The following MYNN variants were observed in gnomAD, a reference collection of about 807,000 sequenced individuals.
The protein encoded by MYNN is myoneurin, also known as zinc finger and BTB domain-containing protein 31.
In MYNN, 22 loss-of-function variants were observed where a neutral mutation model predicts 57.2. That is an observed-to-expected ratio of 0.38 (90% CI 0.27 to 0.55). The LOEUF is 0.55. Ranked by LOEUF, MYNN falls within the 20% of genes least tolerant of loss-of-function variation. MYNN has a pLI of 0.71. For missense variants in MYNN, 566 were observed against 723.1 expected, an observed-to-expected ratio of 0.78 and a Z score of 2.49; for synonymous variants, 241 against 257.1, an observed-to-expected ratio of 0.94 and a Z score of 0.60.
At chr3:169,774,648 C>G in intron 2 of MYNN, 87 bp downstream of exon 2, 1 of 1,267,296 alleles carries the variant, frequency 7.9e-7, no homozygotes, top group East Asian at 2.3e-5. Context: ...CATTCATTCT[C>G]TGAACTCAAA....
rs1158568893 is a variant in MYNN, at chr3:169,786,527, C to T, written c.1682C>T (p.Thr561Ile). The T allele has an allele frequency of 6.2e-7, 1 of 1,613,584 alleles. No homozygotes were observed. The highest frequency in any genetic ancestry group is 1.7e-5 in the Admixed American group (1 of 59,976). The change falls in exon 8 of 8, where the codon ACT (threonine) becomes ATT (isoleucine). Residue 561 changes from threonine (T) to isoleucine (I), a missense_variant. Physicochemically the swap from Thr to Ile is moderately conservative, Grantham distance 89. This residue lies in a region of MYNN where 156 missense variants were observed against 163.9 expected (regional missense o/e 0.95). Coordinates refer to ENST00000349841, the MANE Select transcript of MYNN (RefSeq NM_018657.5). ...ATGGATGTGAAGCCTTCTGATATGA[C>T]TTTACCATTAGCTCTTCCACTTGGG... ...ETMDVKPSDM[T>I]LPLALPLGTE...
intron 2 of MYNN, chr3:169,778,420 G>A: frequency 5.7e-6 from 1 of 175,576 alleles, no homozygotes; most frequent in South Asian, 1.5e-4. Context: ...GTTGCTATCT[G>A]AAGAAGCCTC....
At chr3:169,777,782 T>C (rs1192740794) in intron 2 of MYNN, 1 of 152,242 alleles carries the variant, frequency 6.6e-6, no homozygotes. Context: ...GCTTAAGTCT[T>C]TCTTTGTAAC....
chr3:169,787,749 C>G lies in MYNN; in HGVS notation c.*1071C>G. On this transcript the variant is annotated 3_prime_UTR_variant, in exon 8 of 8. Coordinates refer to ENST00000349841, the MANE Select transcript of MYNN (RefSeq NM_018657.5). ...GGTTTGTTAATTTTATAAATTAAAC[C>G]ACAACTTTTGGTGGTGGTTGTAGTT... The G allele has an allele frequency of 6.6e-6, 1 of 151,786 alleles. No homozygotes were observed. Among genetic ancestry groups the G allele is most frequent in the Non-Finnish European group, 1.5e-5 (1 of 67,878 alleles). The allele number at this position is 151,786 out of a possible 1,614,324, so 9.4% of individuals were successfully genotyped here. A position where few individuals can be genotyped will look rare whatever the true frequency, so the allele number is the denominator to read the frequency against.
At position 169,787,495 on chromosome 3, in the gene MYNN, TA is replaced by T. The variant is rs1177021148; in HGVS notation, c.*819del. 1 of 152,100 alleles carries T rather than the reference TA, an allele frequency of 6.6e-6. No homozygotes were observed. Among genetic ancestry groups the T allele is most frequent in the Non-Finnish European group, 1.5e-5 (1 of 67,960 alleles). The allele number at this position is 152,100 out of a possible 1,614,324, so 9.4% of individuals were successfully genotyped here. On this transcript the variant is annotated 3_prime_UTR_variant, in exon 8 of 8. Transcript: ENST00000349841. ...GTACTTGAGTTTTGAAATATTTTGG[TA>T]AGCCTCTCTTACTCCTGTTATGCAC...
intron 7 of MYNN, among the ~76,000 whole-genome samples, chr3:169,785,644 C>T (rs2141595): frequency 0.36 from 54,865 of 151,752 alleles, 11,100 homozygotes; most frequent in East Asian, 0.68. Context: ...GCAGAGAACA[C>T]TGTAGAGAGT....
intron 4 of MYNN, among the ~76,000 whole-genome samples, chr3:169,781,483 A>G (rs544351432): frequency 6.6e-6 from 1 of 152,360 alleles, no homozygotes; most frequent in Admixed American, 6.5e-5. Flanking sequence ...GACAGTATTT[A>G]AAGCTGTAAC....
rs1778736086 is a variant in MYNN at position 169,788,519 on chromosome 3, T to C, written c.*1841T>C. On this transcript the variant is annotated 3_prime_UTR_variant, in exon 8 of 8. Transcript: ENST00000349841. ...GCTAAAATGGAGAGGTTATGTTTAA[T>C]TTATTTATATCTTCGTTAATCCAAG... The C allele has an allele frequency of 6.6e-6, 1 of 152,182 alleles. No homozygotes were observed. Among genetic ancestry groups the C allele is most frequent in the South Asian group, 2.1e-4 (1 of 4,838 alleles). The allele number at this position is 152,182 out of a possible 1,614,324, so 9.4% of individuals were successfully genotyped here. A position where few individuals can be genotyped will look rare whatever the true frequency, so the allele number is the denominator to read the frequency against.
chr3:169,774,460 C>G lies in MYNN; in HGVS notation c.165C>G (p.Ser55Arg), dbSNP rs769071875. 2.5e-6 allele frequency: 4 copies of G among 1,613,928 alleles called. No individual in the cohort carries two copies. The African/African-American group carries it at 5.3e-5, about 22-fold the overall frequency. The stretch of plus-strand genomic sequence containing the variant: ...AGTATTTTGGTGCGATCTACAGAAG[C>G]ACTTCTGAGAACAATGTCTTTCTTG... ...FSEYFGAIYR[S>R]TSENNVFLDQ... The change falls in exon 2 of 8, where the codon AGC (serine) becomes AGG (arginine). Residue 55 changes from serine (S) to arginine (R), a missense_variant. Physicochemically the swap from Ser to Arg is moderately radical, Grantham distance 110 (BLOSUM62 -1). This residue lies in a region of MYNN where 261 missense variants were observed against 280.8 expected (regional missense o/e 0.93). Coordinates refer to ENST00000349841, the MANE Select transcript of MYNN (RefSeq NM_018657.5).
chr3:169,785,371 A>G (rs1778647503), intron 7 of MYNN, among the ~76,000 whole-genome samples: 1 of 151,990 alleles, frequency 6.6e-6, no homozygotes, highest in Non-Finnish European at 1.5e-5. Context: ...AAATTTCTGT[A>G]AAGTGTACTT....
Position 169,786,621 on chromosome 3 carries a change from G to C in MYNN, c.1776G>C (p.Arg592Ser). The C allele has an allele frequency of 6.2e-7, 1 of 1,613,472 alleles. No homozygotes were observed. ...TQSPTSDTLL[R>S]STVNGYSEPQ... ...CTCCTACATCAGATACATTGTTGAGGTCAACTGTGAATGGGTATTCAGAAC... is the reference window on the plus strand; with the variant it reads ...CTCCTACATCAGATACATTGTTGAGCTCAACTGTGAATGGGTATTCAGAAC... Residue 592 changes from arginine to serine, a missense_variant, in exon 8 of 8, where the codon AGG becomes AGC. By Grantham distance (110) the Arg-to-Ser change is moderately radical. Around this residue, in one of 4 missense-constraint regions of MYNN, gnomAD observed 156 missense variants for 163.9 expected, o/e 0.95. Transcript: ENST00000349841.
rs1399433641 is a variant in MYNN, at chr3:169,788,888, ATATT to A, written c.*2213_*2216del. 2.6e-5 allele frequency: 4 copies of A among 152,136 alleles called. No individual in the cohort carries two copies. Among genetic ancestry groups the A allele is most frequent in the African/African-American group, 9.7e-5 (4 of 41,440 alleles). The allele number at this position is 152,136 out of a possible 1,614,324, so 9.4% of individuals were successfully genotyped here. On this transcript the variant is annotated 3_prime_UTR_variant, in exon 8 of 8. Coordinates refer to ENST00000349841, the MANE Select transcript of MYNN (RefSeq NM_018657.5). ...TGCTATTATTTATCATAATATGCAT[ATATT>A]TAGTTGTATCTGGTATCATTCTAAC...
At chr3:169,786,246 G>T (rs1778673626) in intron 7 of MYNN, among the ~76,000 whole-genome samples, 170 bp from the exon 8 acceptor site, 1 of 152,028 alleles carries the variant, frequency 6.6e-6, no homozygotes, top group African/African-American at 2.4e-5. Context: ...TTGAGGCCCA[G>T]ATTGAATTTA....
Position 169,783,538 on chromosome 3 carries a change from C to A in MYNN, c.1461C>A (p.Asn487Lys). The A allele has an allele frequency of 6.2e-7, 1 of 1,611,020 alleles. No individual in the cohort carries two copies. Among genetic ancestry groups the A allele is most frequent in the Non-Finnish European group, 8.5e-7 (1 of 1,177,706 alleles). ...GKSFISSGEL[N>K]KHFRSHTGER... The stretch of plus-strand genomic sequence containing the variant: ...GTTTTATTTCCTCAGGAGAGCTCAA[C>A]AAACACTTTCGGTCCCATACAGGTC... The change falls in exon 6 of 8, where the codon AAC becomes AAA. Residue 487 changes from asparagine to lysine, a missense_variant. This residue lies in a region of MYNN where 156 missense variants were observed against 163.9 expected (regional missense o/e 0.95). Coordinates refer to ENST00000349841, the MANE Select transcript of MYNN (RefSeq NM_018657.5).
At position 169,774,460 on chromosome 3, in the gene MYNN, C is replaced by A; in HGVS notation, c.165C>A (p.Ser55Arg). Residue 55 changes from serine to arginine, a missense_variant, in exon 2 of 8, where the codon AGC becomes AGA. By Grantham distance (110) the Ser-to-Arg change is moderately radical (BLOSUM62 -1). Transcript: ENST00000349841. ...FSEYFGAIYR[S>R]TSENNVFLDQ... ...AGTATTTTGGTGCGATCTACAGAAG[C>A]ACTTCTGAGAACAATGTCTTTCTTG... The A allele has an allele frequency of 6.2e-7, 1 of 1,614,046 alleles. No individual in the cohort carries two copies. Among genetic ancestry groups the A allele is most frequent in the Non-Finnish European group, 8.5e-7 (1 of 1,179,970 alleles).
In MYNN at chr3:169,779,056, T is replaced by G; in HGVS notation, c.555T>G (p.Ala185=). Reference sequence around the variant, plus strand: ...CTCAAACGAAAAAGAAGAAGAAGGCTTTCAACTCCCCGAAAACAGGGCAGA... The same window carrying G: ...CTCAAACGAAAAAGAAGAAGAAGGCGTTCAACTCCCCGAAAACAGGGCAGA... The part of the protein sequence containing the change: ...KSSQTKKKKK[A]FNSPKTGQNK... The change falls in exon 3 of 8, where the codon GCT becomes GCG. Residue 185 remains alanine, a synonymous_variant. Coordinates refer to ENST00000349841, the MANE Select transcript of MYNN (RefSeq NM_018657.5). 4 of 1,614,118 alleles carry G rather than the reference T, an allele frequency of 2.5e-6. No homozygotes were observed. The highest frequency in any genetic ancestry group is 3.4e-6 in the Non-Finnish European group (4 of 1,180,030).
chr3:169,779,582 G>A (rs1778450404), intron 3 of MYNN, 21 bp downstream of exon 3: 3 of 1,601,274 alleles, frequency 1.9e-6, no homozygotes, highest in African/African-American at 1.3e-5. Context: ...TGTGTGGGGA[G>A]ATATTATTTT....
At chr3:169,781,836 G>A (rs1324255192) in intron 4 of MYNN, among the ~76,000 whole-genome samples, 1 of 152,102 alleles carries the variant, frequency 6.6e-6, no homozygotes, top group East Asian at 1.9e-4. Flanking sequence ...AGAACACTTG[G>A]AGTCTCAAGG....
Position 169,779,330 on chromosome 3 carries a change from A to G in MYNN, c.829A>G (p.Ile277Val). 6.2e-7 allele frequency: 1 copy of G among 1,614,208 alleles called. No homozygotes were observed. Residue 277 changes from isoleucine (I) to valine (V), a missense_variant, in exon 3 of 8, where the codon ATA (isoleucine) becomes GTA (valine). Around this residue, in one of 4 missense-constraint regions of MYNN, gnomAD observed 261 missense variants for 280.8 expected, o/e 0.93. Coordinates refer to ENST00000349841, the MANE Select transcript of MYNN (RefSeq NM_018657.5). ...TCTGAAAGAACACTCTATGTCTAAT[A>G]TAGCCAGCGTCAAGAGTCCTTATGA... is the stretch of plus-strand genomic sequence containing the variant. ...CALKEHSMSN[I>V]ASVKSPYEAE...
Sources: allele counts gnomAD v4.1 joint callset (sites outside exome capture counted in the v4.1 genomes callset), GRCh38; gene constraint gnomAD v4.1.1; regional missense constraint gnomAD v4.1.1; transcripts MANE v1.5; gene names NCBI Gene and HGNC (gene_info 2026-07-23, HGNC 2026-07-21).